CREBBP: variants seen among roughly 807,000 people sequenced by gnomAD.
CREBBP encodes CREB-binding protein.
CREBBP carries 19 observed loss-of-function variants against 265.0 expected under a neutral mutation model. The observed-to-expected ratio is 0.07, with a 90% CI of 0.05 to 0.11. The LOEUF is 0.11. CREBBP is among the 10% of genes least tolerant of loss of function. The probability of loss-of-function intolerance (pLI) is 1.00; values close to 1 mark genes in which losing one functional copy is unlikely to be tolerated. For synonymous variants in CREBBP, 1,457 were observed against 1,223.7 expected (o/e 1.19, Z -3.98); for missense variants, 2,525 against 3,219.0 (o/e 0.78, Z 5.22).
intron 19 of CREBBP, among the ~76,000 whole-genome samples, chr16:3,753,848 C>T (rs938215564): frequency 5.9e-5 from 9 of 152,112 alleles, no homozygotes; most frequent in African/African-American, 1.7e-4. Context: ...TAGAAGGGAC[C>T]GTTCAAGACA....
intron 1 of CREBBP, among the ~76,000 whole-genome samples, chr16:3,869,789 A>G (rs2055256192): frequency 6.6e-6 from 1 of 152,166 alleles, no homozygotes; most frequent in Non-Finnish European, 1.5e-5. Flanking sequence ...CAAACAAGGA[A>G]ACATCTCAAT....
chr16:3,814,528 A>T (rs758915058), intron 2 of CREBBP, among the ~76,000 whole-genome samples: 9 of 152,020 alleles, frequency 5.9e-5, no homozygotes, highest in Non-Finnish European at 8.8e-5. Flanking sequence ...AGGTGTTGGG[A>T]TTACAGGTAT....
rs555270588 is a variant in CREBBP, at chr16:3,739,751, T to G, written c.4134-27A>C. On this transcript the variant is annotated intron_variant, in intron 24 of 30. Coordinates refer to ENST00000262367, the MANE Select transcript of CREBBP (RefSeq NM_004380.3). ...TGAAACAAAAGCCAGAGCCGGACATTTACAAAGGCTGTTGCTGACAAGGTG... is the reference window on the plus strand; with the variant it reads ...TGAAACAAAAGCCAGAGCCGGACATGTACAAAGGCTGTTGCTGACAAGGTG... 6 of 1,614,200 alleles carry G rather than the reference T, an allele frequency of 3.7e-6. No homozygotes were observed. The East Asian group carries it at 1.1e-4, about 30-fold the overall frequency.
intron 3 of CREBBP, among the ~76,000 whole-genome samples, chr16:3,799,386 C>T (rs2053669383): frequency 6.6e-6 from 1 of 152,110 alleles, no homozygotes; most frequent in African/African-American, 2.4e-5. Context: ...AACAATGAGG[C>T]ATGTTTAATC....
intron 2 of CREBBP, among the ~76,000 whole-genome samples, chr16:3,814,164 A>T (rs898098600): frequency 1.8e-4 from 21 of 119,758 alleles, no homozygotes; most frequent in South Asian, 1.3e-3. Flanking sequence ...AATGTTGTTT[A>T]GTGTGTGTGT....
intron 1 of CREBBP, among the ~76,000 whole-genome samples, chr16:3,852,868 T>A (rs1052544930): frequency 3.9e-5 from 6 of 152,098 alleles, no homozygotes; most frequent in African/African-American, 1.4e-4. Flanking sequence ...TACCCTCTCA[T>A]TTCCCACGCA....
intron 2 of CREBBP, among the ~76,000 whole-genome samples, chr16:3,833,429 A>T (rs2054382276): frequency 6.6e-6 from 1 of 152,176 alleles, no homozygotes; most frequent in Non-Finnish European, 1.5e-5. Flanking sequence ...ACCCAAAACA[A>T]ACAAACAAAA....
chr16:3,879,996 G>A lies in CREBBP; in HGVS notation c.-80C>T, dbSNP rs749676292. 3 of 1,395,196 alleles carry A rather than the reference G, an allele frequency of 2.2e-6. No individual in the cohort carries two copies. Among genetic ancestry groups the A allele is most frequent in the African/African-American group, 1.5e-5 (1 of 66,784 alleles). The allele number at this position is 1,395,196 out of a possible 1,614,324, so 86.4% of individuals were successfully genotyped here. A position where few individuals can be genotyped will look rare whatever the true frequency, so the allele number is the denominator to read the frequency against. ...CCGGACGGGGGTCGGGGGCCCTGCC[G>A]GCTGCGAGGGAGAGGAGCGAGCGCG... On this transcript the variant is annotated 5_prime_UTR_variant, in exon 1 of 31. Coordinates refer to ENST00000262367, the MANE Select transcript of CREBBP (RefSeq NM_004380.3).
chr16:3,756,634 T>A (rs2052592634), intron 19 of CREBBP, among the ~76,000 whole-genome samples: 1 of 152,256 alleles, frequency 6.6e-6, no homozygotes, highest in Admixed American at 6.5e-5. Flanking sequence ...TCATTTTGTA[T>A]CGTGCTGCTA....
At chr16:3,800,750 T>C (rs144487667) in intron 3 of CREBBP, among the ~76,000 whole-genome samples, 1 of 151,656 alleles carries the variant, frequency 6.6e-6, no homozygotes, top group Admixed American at 6.6e-5. Context: ...TCAAAAACAT[T>C]GAGAAAAGAG....
chr16:3,843,268 T>C (rs1162485072), intron 2 of CREBBP, among the ~76,000 whole-genome samples: 3 of 152,128 alleles, frequency 2.0e-5, no homozygotes, highest in Non-Finnish European at 4.4e-5. Context: ...TCCTATCCTT[T>C]TTTTAAACAA....
At chr16:3,855,971 A>T (rs1266890870) in intron 1 of CREBBP, among the ~76,000 whole-genome samples, 1 of 152,250 alleles carries the variant, frequency 6.6e-6, no homozygotes, top group Non-Finnish European at 1.5e-5. Flanking sequence ...CAAATGATAA[A>T]CGTTTGAGGT....
intron 16 of CREBBP, among the ~76,000 whole-genome samples, chr16:3,760,391 G>GTTTTTTTTT (rs35861892): frequency 1.7e-4 from 13 of 75,946 alleles, no homozygotes; most frequent in East Asian, 1.6e-3. Context: ...TCATGCCCAG[G>GTTTTTTTTT]TTTTTTTTTT....
intron 18 of CREBBP, 80 bp downstream of exon 18, chr16:3,757,729 C>T (rs1292000545): frequency 7.0e-6 from 11 of 1,579,980 alleles, no homozygotes; most frequent in South Asian, 2.2e-5. Flanking sequence ...AGTATACAGG[C>T]GTGGTCTCAT....
At chr16:3,770,430 A>G in intron 14 of CREBBP, 140 bp downstream of exon 14, 1 of 978,368 alleles carries the variant, frequency 1.0e-6, no homozygotes, top group South Asian at 1.3e-5. Flanking sequence ...TCATGGGCTC[A>G]AGTGATTCTC....
intron 28 of CREBBP, among the ~76,000 whole-genome samples, chr16:3,734,652 T>C (rs572870761): frequency 9.3e-4 from 141 of 152,272 alleles, no homozygotes; most frequent in African/African-American, 3.2e-3. Flanking sequence ...GGCCAGGAGC[T>C]CTGCTTAGGA....
intron 2 of CREBBP, among the ~76,000 whole-genome samples, chr16:3,817,818 G>A (rs1464803582): frequency 2.0e-5 from 3 of 152,160 alleles, no homozygotes; most frequent in Admixed American, 1.3e-4. Context: ...GGGGGCAGGG[G>A]AGGGAGCATT....
rs956175120 is a variant in CREBBP at position 3,773,875 on chromosome 16, G to T, written c.2339C>A (p.Thr780Asn). ...GGGCGCCTGGGCCATCATGTTGTTGGTGTGTGCACCCATCATGTTCGGAGG... is the reference window on the plus strand; with the variant it reads ...GGGCGCCTGGGCCATCATGTTGTTGTTGTGTGCACCCATCATGTTCGGAGG... ...PQPPNMMGAH[T>N]NNMMAQAPAQ... The change falls in exon 13 of 31, where the codon ACC becomes AAC. Residue 780 changes from threonine (T) to asparagine (N), a missense_variant. By Grantham distance (65) the Thr-to-Asn change is moderately conservative. Coordinates refer to ENST00000262367, the MANE Select transcript of CREBBP (RefSeq NM_004380.3). 3.1e-6 allele frequency: 5 copies of T among 1,612,202 alleles called. No homozygotes were observed. Among genetic ancestry groups the T allele is most frequent in the Non-Finnish European group, 4.2e-6 (5 of 1,180,040 alleles).
At chr16:3,791,487 A>G (rs997615612) in intron 5 of CREBBP, among the ~76,000 whole-genome samples, 1 of 152,176 alleles carries the variant, frequency 6.6e-6, no homozygotes, top group East Asian at 1.9e-4. Context: ...AAACCTTCAT[A>G]AATGTCTGTG....
Sources: allele counts gnomAD v4.1 joint callset (sites outside exome capture counted in the v4.1 genomes callset), GRCh38; gene constraint gnomAD v4.1.1; transcripts MANE v1.5; gene names NCBI Gene and HGNC (gene_info 2026-07-23, HGNC 2026-07-21).